Variants in DHX57 observed in about 807,000 individuals in gnomAD.
DHX57 encodes the protein DExH-box helicase 57.
Under a neutral mutation model 156.2 loss-of-function variants are expected in DHX57, and 105 were observed. The ratio of observed to expected loss-of-function variants is 0.67; its 90% confidence interval spans 0.57 to 0.79. The LOEUF (loss-of-function observed/expected upper bound fraction) is 0.79. Ranked by LOEUF, DHX57 falls within the 30% of genes least tolerant of loss-of-function variation. The pLI is 0.00. For missense variants in DHX57, 1,847 were observed against 1,661.9 expected (o/e 1.11, Z -1.94); for synonymous variants, 704 against 595.6 (o/e 1.18, Z -2.65).
chr2:38,807,266 G>T (rs1669992687), intron 21 of DHX57, among the ~76,000 whole-genome samples: 1 of 152,068 alleles, frequency 6.6e-6, no homozygotes, highest in African/African-American at 2.4e-5. Context: ...TGTTGGCAAG[G>T]CTGGTCTTGA....
chr2:38,811,771 T>C, intron 21 of DHX57: 1 of 469,826 alleles, frequency 2.1e-6, no homozygotes. Context: ...ACGTCTTTCT[T>C]ATTGGTGAGT....
chr2:38,846,368 T>G (rs961261119), intron 11 of DHX57, among the ~76,000 whole-genome samples: 1 of 151,738 alleles, frequency 6.6e-6, no homozygotes, highest in Non-Finnish European at 1.5e-5. Context: ...ATGACTGTAA[T>G]CCCAGCACTT....
chr2:38,801,598 A>G (rs1669684685), intron 23 of DHX57, among the ~76,000 whole-genome samples: 2 of 141,368 alleles, frequency 1.4e-5, no homozygotes, highest in South Asian at 4.4e-4. Flanking sequence ...GTATTTTTAT[A>G]TATTCATTTT....
In DHX57 at chr2:38,798,293, T is replaced by G. The variant is rs1487079248; in HGVS notation, c.*6A>C. On this transcript the variant is annotated 3_prime_UTR_variant, in exon 24 of 24. Transcript: ENST00000457308. ...GTGAGTAGCAAGCACTCTCTAAGAC[T>G]GCTTTTTATTGTGTGGTGACAAGTT... The G allele has an allele frequency of 6.2e-7, 1 of 1,611,196 alleles. No homozygotes were observed. Among genetic ancestry groups the G allele is most frequent in the East Asian group, 2.2e-5 (1 of 44,884 alleles).
At position 38,811,518 on chromosome 2, in the gene DHX57, T is replaced by A. The variant is rs1399917670; in HGVS notation, c.3681+2303A>T. 3.1e-6 allele frequency: 3 copies of A among 959,480 alleles called. No individual in the cohort carries two copies. In the African/African-American group the frequency reaches 4.9e-5, roughly 16 times the overall value. The allele number at this position is 959,480 out of a possible 1,614,324, so 59.4% of individuals were successfully genotyped here. ...AAGGTTCAGTGCCTTCTTCCTGGCT[T>A]CCTTGAAGTCTTCCTTCTGGCCAAC... On this transcript the variant is annotated intron_variant, in intron 21 of 23. Transcript: ENST00000457308.
intron 3 of DHX57, 65 bp downstream of exon 3, chr2:38,863,296 C>A (rs928491772): frequency 6.6e-7 from 1 of 1,518,618 alleles, no homozygotes; most frequent in Non-Finnish European, 8.9e-7. Context: ...CAAAGATGCA[C>A]AGGACCTTCA....
intron 21 of DHX57, among the ~76,000 whole-genome samples, chr2:38,807,591 T>C (rs555247848): frequency 6.6e-6 from 1 of 152,078 alleles, no homozygotes; most frequent in African/African-American, 2.4e-5. Context: ...TCTCCTGACC[T>C]TGTGATCCAC....
chr2:38,847,296 C>G (rs1301291369), intron 10 of DHX57, among the ~76,000 whole-genome samples: 5 of 152,252 alleles, frequency 3.3e-5, no homozygotes, highest in African/African-American at 9.6e-5. Context: ...TGATCCTTTG[C>G]TAAGACTTTT....
chr2:38,814,658 T>C (rs1670433643), intron 20 of DHX57, among the ~76,000 whole-genome samples: 2 of 152,142 alleles, frequency 1.3e-5, no homozygotes, highest in African/African-American at 4.8e-5. Context: ...TTCTATCTCT[T>C]ATGAATTTAT....
rs149986126 is a variant in DHX57 at position 38,873,954 on chromosome 2, T to G, written c.-7+1833A>C. 4.2e-3 allele frequency among the ~76,000 whole-genome samples: 635 copies of G among 152,234 alleles called. 5 individuals carry two copies. Among genetic ancestry groups the G allele is most frequent in the African/African-American group, 0.015 (605 of 41,522 alleles). On this transcript the variant is annotated intron_variant, in intron 1 of 23. Transcript: ENST00000457308. ...GTCATCCCTCGGTATACACAGGGGA[T>G]TGGTTCCAGAACCCCCATGTATACC...
At position 38,798,396 on chromosome 2, in the gene DHX57, A is replaced by G. The variant is rs746497426; in HGVS notation, c.4064T>C (p.Leu1355Pro). Reference sequence around the variant, plus strand: ...GCTTGGGTTTTTAATTTTATCCTGGAGAAGCTGATCAAGTTCGCAACGAAG... The same window carrying G: ...GCTTGGGTTTTTAATTTTATCCTGGGGAAGCTGATCAAGTTCGCAACGAAG... ...KELRCELDQLLQDKIKNPSID... is the reference protein window; with the variant it reads ...KELRCELDQLPQDKIKNPSID... Residue 1355 changes from leucine (L) to proline (P), a missense_variant, in exon 24 of 24, where the codon CTC becomes CCC. Leu to Pro is a moderately conservative substitution (Grantham distance 98). Transcript: ENST00000457308. 5 of 1,614,028 alleles carry G rather than the reference A, an allele frequency of 3.1e-6. No individual in the cohort carries two copies. The highest frequency in any genetic ancestry group is 4.2e-6 in the Non-Finnish European group (5 of 1,179,960).
At chr2:38,856,544 G>A in intron 6 of DHX57, 83 bp from the exon 7 acceptor site, 1 of 1,457,504 alleles carries the variant, frequency 6.9e-7, no homozygotes, top group East Asian at 2.4e-5. Flanking sequence ...TCACTCTGTT[G>A]CCAGGCTGGA....
chr2:38,819,774 T>G (rs1046934838), intron 17 of DHX57, among the ~76,000 whole-genome samples: 30 of 152,238 alleles, frequency 2.0e-4, no homozygotes, highest in African/African-American at 7.2e-4. Flanking sequence ...TTACAGATTC[T>G]TATTCGTCTT....
intron 21 of DHX57, among the ~76,000 whole-genome samples, 199 bp from the exon 22 acceptor site, chr2:38,806,892 G>A (rs541846327): frequency 2.8e-5 from 4 of 142,822 alleles, no homozygotes; most frequent in East Asian, 2.0e-4. Flanking sequence ...CCACCAAGAA[G>A]TATGAATATA....
intron 1 of DHX57, among the ~76,000 whole-genome samples, chr2:38,874,150 G>C (rs1665483942): frequency 6.6e-6 from 1 of 151,734 alleles, no homozygotes; most frequent in Admixed American, 6.6e-5. Flanking sequence ...GCAGTGCAGT[G>C]GTACGATCAT....
intron 7 of DHX57, among the ~76,000 whole-genome samples, chr2:38,855,678 T>G (rs1672861459): frequency 6.6e-6 from 1 of 152,206 alleles, no homozygotes; most frequent in Non-Finnish European, 1.5e-5. Flanking sequence ...TCACTGAGTC[T>G]GGACACAAAT....
At chr2:38,868,469 T>C in intron 1 of DHX57, 58 bp from the exon 2 acceptor site, 5 of 1,536,704 alleles carry the variant, frequency 3.3e-6, no homozygotes, top group Non-Finnish European at 4.4e-6. Context: ...TGATAATCCT[T>C]TGTTTGCCAA....
intron 12 of DHX57, among the ~76,000 whole-genome samples, 169 bp downstream of exon 12, chr2:38,842,836 A>T (rs1043668603): frequency 2.0e-5 from 3 of 152,210 alleles, no homozygotes; most frequent in African/African-American, 4.8e-5. Context: ...TAACAATTGT[A>T]TTCTAAATAT....
At chr2:38,845,175 G>A (rs1286934901) in intron 11 of DHX57, among the ~76,000 whole-genome samples, 2 of 151,578 alleles carry the variant, frequency 1.3e-5, no homozygotes, top group East Asian at 1.9e-4. Flanking sequence ...CAGCCTGGGT[G>A]ACAGAGTGAG....
Sources: allele counts gnomAD v4.1 joint callset (sites outside exome capture counted in the v4.1 genomes callset), GRCh38; gene constraint gnomAD v4.1.1; transcripts MANE v1.5; gene names NCBI Gene and HGNC (gene_info 2026-07-23, HGNC 2026-07-21).